Variants in LNP1 observed in about 807,000 individuals in gnomAD.
LNP1 encodes leukemia NUP98 fusion partner 1.
In LNP1, 12 loss-of-function variants were observed where a neutral mutation model predicts 14.5. The ratio of observed to expected loss-of-function variants is 0.83; its 90% CI spans 0.53 to 1.34. LNP1 has a LOEUF of 1.34. Ranked by LOEUF, LNP1 falls within the 40% of genes most tolerant of loss-of-function variation. The probability of loss-of-function intolerance (pLI) is 0.00; values close to 1 mark genes in which losing one functional copy is unlikely to be tolerated. For missense variants in LNP1, 198 were observed against 210.9 expected (o/e 0.94, Z 0.38); for synonymous variants, 75 against 71.4 (o/e 1.05, Z -0.26).
intron 1 of LNP1, among the ~76,000 whole-genome samples, chr3:100,417,864 T>G (rs1467069972): frequency 6.6e-6 from 1 of 152,118 alleles, no homozygotes; most frequent in African/African-American, 2.4e-5. Flanking sequence ...TTTGATTTCT[T>G]TCTTCATTTG....
intron 2 of LNP1, among the ~76,000 whole-genome samples, chr3:100,449,929 T>A (rs1489313332): frequency 6.6e-6 from 1 of 152,150 alleles, no homozygotes; most frequent in East Asian, 1.9e-4. Context: ...ACCTTAGCTA[T>A]CAAACTGCAA....
chr3:100,420,485 T>TA (rs1180188485), intron 1 of LNP1, among the ~76,000 whole-genome samples: 2 of 151,620 alleles, frequency 1.3e-5, no homozygotes, highest in Admixed American at 6.6e-5. Flanking sequence ...CTAGTTTTTT[T>TA]AAAAAAAATT....
At chr3:100,430,278 G>T (rs550745219) in intron 2 of LNP1, among the ~76,000 whole-genome samples, 1 of 152,274 alleles carries the variant, frequency 6.6e-6, no homozygotes, top group African/African-American at 2.4e-5. Flanking sequence ...CCACTCTTTG[G>T]TAGACCTTCT....
rs576499167 is a variant in LNP1 at position 100,450,116 on chromosome 3, C to T, written c.157-1603C>T. Among the ~76,000 whole-genome samples the T allele has an allele frequency of 4.5e-5, 6 of 134,386 alleles. No homozygotes were observed. The South Asian group carries it at 9.3e-4, about 21-fold the overall frequency. The allele number at this position is 134,386 out of a possible 152,430, so 88.2% of individuals were successfully genotyped here. A position where few individuals can be genotyped will look rare whatever the true frequency, so the allele number is the denominator to read the frequency against. On this transcript the variant is annotated intron_variant, in intron 2 of 3. Transcript: ENST00000383693. ...TTTTTTTTTTTTTTTTTGGTGGGAA[C>T]GTAGCCACTTCAGAGGCCTTGTTCC...
chr3:100,449,125 G>T (rs1707414464), intron 2 of LNP1, among the ~76,000 whole-genome samples: 1 of 152,084 alleles, frequency 6.6e-6, no homozygotes, highest in Non-Finnish European at 1.5e-5. Flanking sequence ...ATTTACATAG[G>T]GACTACCTGT....
intron 1 of LNP1, among the ~76,000 whole-genome samples, chr3:100,418,529 C>G (rs1048821393): frequency 2.6e-5 from 4 of 151,960 alleles, no homozygotes; most frequent in African/African-American, 9.7e-5. Context: ...TTTTCTGTCC[C>G]TCATTTTTAT....
intron 1 of LNP1, among the ~76,000 whole-genome samples, chr3:100,417,358 T>C (rs1707094355): frequency 6.8e-6 from 1 of 146,180 alleles, no homozygotes; most frequent in Admixed American, 7.1e-5. Context: ...TTTTCTTTCT[T>C]TCTTTCTTTT....
At position 100,429,513 on chromosome 3, in the gene LNP1, A is replaced by G. The variant is rs547294247; in HGVS notation, c.-33-184A>G. On this transcript the variant is annotated intron_variant, in intron 1 of 3. Transcript: ENST00000383693. ...AGGGGAGGGGAATGTGGGCTGCACA[A>G]TTTATAAATAGACATTGCCCAAGGC... Among the ~76,000 whole-genome samples the G allele has an allele frequency of 6.2e-4, 94 of 152,292 alleles. 1 individual carries two copies. The highest frequency in any genetic ancestry group is 2.1e-3 in the African/African-American group (88 of 41,576).
chr3:100,417,755 T>A (rs190477091), intron 1 of LNP1, among the ~76,000 whole-genome samples: 14 of 152,318 alleles, frequency 9.2e-5, no homozygotes, highest in Admixed American at 8.5e-4. Flanking sequence ...CAGTATTTGC[T>A]CTGTTCCCTT....
At chr3:100,430,225 G>A (rs1011000562) in intron 2 of LNP1, among the ~76,000 whole-genome samples, 1 of 152,160 alleles carries the variant, frequency 6.6e-6, no homozygotes, top group African/African-American at 2.4e-5. Context: ...GTGTAGCCTT[G>A]TGGCTCAATG....
chr3:100,426,271 C>T (rs549027117), intron 1 of LNP1, among the ~76,000 whole-genome samples: 33 of 152,286 alleles, frequency 2.2e-4, no homozygotes, highest in African/African-American at 7.2e-4. Flanking sequence ...CAATAGTCCC[C>T]GAGGCTGAAT....
intron 3 of LNP1, among the ~76,000 whole-genome samples, chr3:100,455,406 C>T (rs1185633912): frequency 6.6e-6 from 1 of 152,176 alleles, no homozygotes; most frequent in Non-Finnish European, 1.5e-5. Flanking sequence ...GGAGTGAACA[C>T]AGAAAGCTAA....
chr3:100,428,075 T>A (rs944953844), intron 1 of LNP1, among the ~76,000 whole-genome samples: 7 of 152,208 alleles, frequency 4.6e-5, no homozygotes, highest in Non-Finnish European at 1.0e-4. Flanking sequence ...ACTGGCAGGA[T>A]GGTGGAAAGA....
At chr3:100,426,324 T>TC (rs1195084706) in intron 1 of LNP1, among the ~76,000 whole-genome samples, 1 of 152,182 alleles carries the variant, frequency 6.6e-6, no homozygotes, top group African/African-American at 2.4e-5. Context: ...ATTGGAACAA[T>TC]CCCTCACAGA....
At chr3:100,415,010 C>T (rs1399596616) in intron 1 of LNP1, among the ~76,000 whole-genome samples, 2 of 152,150 alleles carry the variant, frequency 1.3e-5, no homozygotes, top group Non-Finnish European at 1.5e-5. Flanking sequence ...AATTCTACCG[C>T]ATACCATACA....
intron 1 of LNP1, among the ~76,000 whole-genome samples, chr3:100,404,784 T>C (rs1195995114): frequency 7.0e-6 from 1 of 143,636 alleles, no homozygotes; most frequent in Non-Finnish European, 1.5e-5. Flanking sequence ...TTTCTCTTTG[T>C]GTTATCCTTT....
chr3:100,408,135 T>C (rs1358936767), intron 1 of LNP1, among the ~76,000 whole-genome samples: 1 of 152,230 alleles, frequency 6.6e-6, no homozygotes, highest in Non-Finnish European at 1.5e-5. Flanking sequence ...AGTGATGTCA[T>C]GATTCCCCGA....
At chr3:100,402,641 G>C (rs1706922764) in intron 1 of LNP1, among the ~76,000 whole-genome samples, 1 of 148,834 alleles carries the variant, frequency 6.7e-6, no homozygotes, top group Non-Finnish European at 1.5e-5. Context: ...ACACAAGTTA[G>C]GATTTTTTTT....
Position 100,452,364 on chromosome 3 carries a change from G to A in LNP1, c.387+415G>A, listed in dbSNP as rs1377615005. 3.3e-5 allele frequency among the ~76,000 whole-genome samples: 5 copies of A among 151,282 alleles called. No individual in the cohort carries two copies. The South Asian group carries it at 1.0e-3, about 32-fold the overall frequency. Reference sequence around the variant, plus strand: ...ACTACAGGCATGTGCCACCATGCCCGACTAAATTTTAAACTTTTTTTTTCT... The same window carrying A: ...ACTACAGGCATGTGCCACCATGCCCAACTAAATTTTAAACTTTTTTTTTCT... On this transcript the variant is annotated intron_variant, in intron 3 of 3. Coordinates refer to ENST00000383693, the MANE Select transcript of LNP1 (RefSeq NM_001085451.2).
Sources: gnomAD v4.1 joint callset for allele counts (sites outside exome capture counted in the v4.1 genomes callset) on GRCh38, gnomAD v4.1.1 for gene constraint, MANE v1.5 for transcripts, NCBI Gene and HGNC (gene_info 2026-07-23, HGNC 2026-07-21) for gene names.